The following YBX1 variants were observed in gnomAD, a reference collection of about 807,000 sequenced individuals.
The protein encoded by YBX1 is Y-box binding protein 1.
In YBX1, 3 loss-of-function variants were observed where a neutral mutation model predicts 41.4. The ratio of observed to expected loss-of-function variants is 0.07; its 90% CI spans 0.03 to 0.19. YBX1 has a LOEUF of 0.19. Ranked by LOEUF, YBX1 falls within the 10% of genes least tolerant of loss-of-function variation. The pLI is 1.00. For synonymous variants in YBX1, 133 were observed against 165.8 expected (o/e 0.80, Z 1.52); for missense variants, 274 against 462.8 (o/e 0.59, Z 3.74).
chr1:42,688,216 C>G (rs1650245011), intron 2 of YBX1, among the ~76,000 whole-genome samples: 1 of 152,114 alleles, frequency 6.6e-6, no homozygotes, highest in African/African-American at 2.4e-5. Flanking sequence ...TTGAACCACA[C>G]AAGTCCACTT....
chr1:42,697,793 G>T (rs1650498384), intron 6 of YBX1, among the ~76,000 whole-genome samples: 1 of 152,094 alleles, frequency 6.6e-6, no homozygotes, highest in Admixed American at 6.6e-5. Flanking sequence ...ACTTGAGTGG[G>T]TATTAGAAAT....
rs548254291 is a variant in YBX1, at chr1:42,696,473, A to AT, written c.355-166dup. On this transcript the variant is annotated intron_variant, in intron 4 of 7. Transcript: ENST00000321358. The surrounding 1 kb of genome is among the most constrained non-coding windows in gnomAD (Gnocchi z 5.7). ...CTCTTCAGAACAGTGAGGAACTGAT[A>AT]TTTAGTCATTTCTGTGCACCCCTGG... 2.2e-3 allele frequency among the ~76,000 whole-genome samples: 321 copies of AT among 146,248 alleles called. 1 individual carries two copies. Among genetic ancestry groups the AT allele is most frequent in the African/African-American group, 7.9e-3 (314 of 39,510 alleles).
At chr1:42,682,859 C>G (rs1570411981) in intron 1 of YBX1, 128 bp downstream of exon 1, 4 of 352,572 alleles carry the variant, frequency 1.1e-5, no homozygotes, top group African/African-American at 2.3e-5. Flanking sequence ...GGCCGCCCAT[C>G]CCCCCCGTCC....
intron 1 of YBX1, 169 bp from the exon 2 acceptor site, chr1:42,683,234 G>A (rs1182277389): frequency 1.3e-6 from 1 of 779,540 alleles, no homozygotes; most frequent in Non-Finnish European, 2.2e-6. Flanking sequence ...ACTCACCCAC[G>A]TGTGCGGCGG....
chr1:42,683,459 A>G lies in YBX1; in HGVS notation c.223A>G (p.Ile75Val). 5.6e-6 allele frequency: 9 copies of G among 1,613,580 alleles called. No homozygotes were observed. The highest frequency in any genetic ancestry group is 7.6e-6 in the Non-Finnish European group (9 of 1,180,022). ...WFNVRNGYGFINRNDTKEDVF... is the reference protein window; with the variant it reads ...WFNVRNGYGFVNRNDTKEDVF... Reference sequence around the variant, plus strand: ...CAATGTAAGGAACGGATATGGTTTCATCAACAGGTGAGCTGCCGGGCTCTG... The same window carrying G: ...CAATGTAAGGAACGGATATGGTTTCGTCAACAGGTGAGCTGCCGGGCTCTG... The change falls in exon 2 of 8, where the codon ATC becomes GTC. Residue 75 changes from isoleucine (I) to valine (V), a missense_variant. This residue lies in a region of YBX1 where 84 missense variants were observed against 130.8 expected (regional missense o/e 0.64). Transcript: ENST00000321358.
intron 2 of YBX1, among the ~76,000 whole-genome samples, chr1:42,691,625 G>A (rs529247858): frequency 3.3e-5 from 5 of 152,236 alleles, no homozygotes; most frequent in African/African-American, 1.2e-4. Flanking sequence ...GATTGATAAA[G>A]AAATGATGTA....
At chr1:42,693,395 T>A (rs1650387703) in intron 2 of YBX1, 95 bp from the exon 3 acceptor site, 1 of 1,444,386 alleles carries the variant, frequency 6.9e-7, no homozygotes, top group African/African-American at 1.4e-5. Flanking sequence ...TCCTGGTACC[T>A]AATTGGCAGC....
At chr1:42,692,472 A>T (rs974081000) in intron 2 of YBX1, among the ~76,000 whole-genome samples, 16 of 152,108 alleles carry the variant, frequency 1.1e-4, no homozygotes, top group Non-Finnish European at 2.4e-4. Flanking sequence ...TCCTGTTCCC[A>T]TCAATTAAAA....
At chr1:42,684,195 G>GTT (rs1261030704) in intron 2 of YBX1, among the ~76,000 whole-genome samples, 1 of 152,168 alleles carries the variant, frequency 6.6e-6, no homozygotes, top group Non-Finnish European at 1.5e-5. Context: ...TTTTCTTCCT[G>GTT]TTTGAAGGCA....
At chr1:42,699,623 T>G (rs1051262571) in intron 6 of YBX1, among the ~76,000 whole-genome samples, 11 of 151,940 alleles carry the variant, frequency 7.2e-5, no homozygotes, top group Non-Finnish European at 1.5e-4. Flanking sequence ...GGGTTGTTTT[T>G]TTTTTTTTAA....
At chr1:42,688,698 G>A (rs948312480) in intron 2 of YBX1, among the ~76,000 whole-genome samples, 1 of 152,194 alleles carries the variant, frequency 6.6e-6, no homozygotes, top group Admixed American at 6.5e-5. Flanking sequence ...TGGGACCCAT[G>A]CAAAGTGGCG....
intron 6 of YBX1, among the ~76,000 whole-genome samples, chr1:42,699,014 GA>G (rs756748021): frequency 5.3e-5 from 8 of 152,210 alleles, no homozygotes; most frequent in Non-Finnish European, 1.0e-4. Flanking sequence ...TGCTGAAAAT[GA>G]GACTAATAGT....
chr1:42,699,050 A>G (rs566866313), intron 6 of YBX1, among the ~76,000 whole-genome samples: 1 of 152,264 alleles, frequency 6.6e-6, no homozygotes, highest in African/African-American at 2.4e-5. Flanking sequence ...GGGGGGTCAA[A>G]AAGGGAGGTT....
chr1:42,695,223 T>C (rs536687416), intron 3 of YBX1, among the ~76,000 whole-genome samples: 37 of 152,324 alleles, frequency 2.4e-4, no homozygotes, highest in Non-Finnish European at 4.9e-4. Flanking sequence ...ACTGCAGTTC[T>C]GGGCAGCTTC....
intron 2 of YBX1, among the ~76,000 whole-genome samples, chr1:42,692,041 G>A (rs1194134788): frequency 6.6e-6 from 1 of 152,050 alleles, no homozygotes; most frequent in African/African-American, 2.4e-5. Flanking sequence ...TAGTAGAGAC[G>A]AGGTTTCACG....
chr1:42,701,066 C>T lies in YBX1; in HGVS notation c.*31+20C>T, dbSNP rs1650589221. 6.3e-7 allele frequency: 1 copy of T among 1,588,770 alleles called. No individual in the cohort carries two copies. The highest frequency in any genetic ancestry group is 1.1e-5 in the South Asian group (1 of 90,252). On this transcript the variant is annotated intron_variant, in intron 7 of 7. Transcript: ENST00000321358. ...ATCCGGGTAAGCAAGCTTGGATGGC[C>T]ATCCATTTATGGCAGTCGTGAGTGG... is the stretch of plus-strand genomic sequence containing the variant.
intron 2 of YBX1, among the ~76,000 whole-genome samples, chr1:42,687,989 A>G (rs1319096308): frequency 6.6e-6 from 1 of 152,180 alleles, no homozygotes; most frequent in African/African-American, 2.4e-5. Flanking sequence ...CATCAATGAC[A>G]TGTATGCAGG....
chr1:42,698,288 G>C (rs1387326861), intron 6 of YBX1, among the ~76,000 whole-genome samples: 1 of 152,166 alleles, frequency 6.6e-6, no homozygotes, highest in Non-Finnish European at 1.5e-5. Flanking sequence ...AAGAGCAGCT[G>C]ATGTCATCAT....
chr1:42,695,683 C>T (rs1252866651), intron 3 of YBX1, among the ~76,000 whole-genome samples: 1 of 152,198 alleles, frequency 6.6e-6, no homozygotes, highest in Non-Finnish European at 1.5e-5. Context: ...ACATGAATTG[C>T]ATTTCCACTG....
Sources: gnomAD v4.1 joint callset for allele counts (sites outside exome capture counted in the v4.1 genomes callset) on GRCh38, gnomAD v4.1.1 for gene constraint, gnomAD v4.1.1 regional missense constraint, Gnocchi (gnomAD v3.1) non-coding constraint, MANE v1.5 for transcripts, NCBI Gene and HGNC (gene_info 2026-07-23, HGNC 2026-07-21) for gene names.